The following ESPN variants were observed in gnomAD, a reference collection of about 807,000 sequenced individuals.
ESPN encodes the protein espin, also known as autosomal recessive deafness type 36 protein.
A neutral mutation model predicts 77.7 loss-of-function variants in ESPN; 68 were observed. The observed-to-expected ratio is 0.87, with a 90% CI of 0.72 to 1.07. The LOEUF (loss-of-function observed/expected upper bound fraction) is 1.07. Among genes scored for constraint, ESPN ranks in the 50% least tolerant of loss-of-function variants. The pLI is 0.00. For synonymous variants in ESPN, 449 were observed against 567.1 expected (o/e 0.79, Z 2.96); for missense variants, 1,060 against 1,239.0 (o/e 0.86, Z 2.17).
At chr1:6,446,319 G>T (rs1429333659) in intron 7 of ESPN, among the ~76,000 whole-genome samples, 1 of 152,160 alleles carries the variant, frequency 6.6e-6, no homozygotes, top group East Asian at 1.9e-4. Flanking sequence ...AGGCTCAGTC[G>T]GAGAGTGTCA....
At chr1:6,453,132 G>A (rs1424694577) in intron 10 of ESPN, among the ~76,000 whole-genome samples, 3 of 152,220 alleles carry the variant, frequency 2.0e-5, no homozygotes, top group Non-Finnish European at 4.4e-5. Context: ...GGCCTCAAGT[G>A]ATCCGCCTGC....
At chr1:6,456,041 C>A in intron 10 of ESPN, 1 of 397,130 alleles carries the variant, frequency 2.5e-6, no homozygotes, top group Non-Finnish European at 4.4e-6. Context: ...CCGCGCCTCC[C>A]CCGACCTCAG....
chr1:6,430,427 T>TAAC (rs1222626784), intron 2 of ESPN, among the ~76,000 whole-genome samples: 6 of 152,146 alleles, frequency 3.9e-5, no homozygotes, highest in Admixed American at 1.3e-4. Context: ...TCCAGGTCTA[T>TAAC]ACCTTGGGGT....
At chr1:6,455,632 T>G (rs919729168) in intron 10 of ESPN, 4 of 399,262 alleles carry the variant, frequency 1.0e-5, no homozygotes, top group African/African-American at 8.2e-5. Context: ...TACGACAGCC[T>G]CACGCTCGAC....
In ESPN at chr1:6,451,567, A is replaced by T; in HGVS notation, c.1916-36A>T. On this transcript the variant is annotated intron_variant, in intron 8 of 12. Transcript: ENST00000645284. The surrounding 1 kb of genome is among the most constrained non-coding windows in gnomAD (Gnocchi z 4.3). ...TGAGGGGTGGCGGGGATGCAGCCCC[A>T]CCCTGGCCAGTGCCTCATCTCCTGC... The T allele has an allele frequency of 6.2e-7, 1 of 1,603,896 alleles. No homozygotes were observed.
At chr1:6,432,036 T>C (rs1643272630) in intron 2 of ESPN, among the ~76,000 whole-genome samples, 1 of 152,208 alleles carries the variant, frequency 6.6e-6, no homozygotes, top group African/African-American at 2.4e-5. Context: ...CCACTCCTGG[T>C]CCAGGTCCTA....
intron 2 of ESPN, among the ~76,000 whole-genome samples, chr1:6,438,588 C>T (rs953985538): frequency 1.3e-5 from 2 of 152,254 alleles, no homozygotes; most frequent in African/African-American, 4.8e-5. Context: ...CCCATATTGC[C>T]GGCCAGGCCC....
intron 5 of ESPN, among the ~76,000 whole-genome samples, chr1:6,444,245 A>C (rs1643745811): frequency 6.6e-6 from 1 of 152,136 alleles, no homozygotes. Flanking sequence ...CTAATCAGGG[A>C]GGAGCCAGGG....
chr1:6,460,858 T>C lies in ESPN; in HGVS notation c.*712T>C, dbSNP rs1048894640. ...GAGGATGAGGGGCCCTGACCCTGTG[T>C]CTCCAACTGCTGCACCCCATCCCGA... On this transcript the variant is annotated 3_prime_UTR_variant, in exon 13 of 13. Coordinates refer to ENST00000645284, the MANE Select transcript of ESPN (RefSeq NM_031475.3). The C allele has an allele frequency of 6.5e-6, 2 of 307,230 alleles. No individual in the cohort carries two copies. Among genetic ancestry groups the C allele is most frequent in the Non-Finnish European group, 1.3e-5 (2 of 156,640 alleles). The allele number at this position is 307,230 out of a possible 1,614,324, so 19.0% of individuals were successfully genotyped here.
chr1:6,441,075 C>T lies in ESPN; in HGVS notation c.990+10C>T. 1 of 1,609,816 alleles carries T rather than the reference C, an allele frequency of 6.2e-7. No individual in the cohort carries two copies. The stretch of plus-strand genomic sequence containing the variant: ...CACGGTGGAGAACCTGGTACGATCC[C>T]TGAGCTGCTCCTGTCGCATTCTTTC... On this transcript the variant is annotated intron_variant, in intron 5 of 12. Transcript: ENST00000645284.
chr1:6,434,362 T>G (rs1485074711), intron 2 of ESPN, among the ~76,000 whole-genome samples: 2 of 152,180 alleles, frequency 1.3e-5, no homozygotes, highest in African/African-American at 4.8e-5. Context: ...GACAGATGTG[T>G]GTTTTCATCC....
chr1:6,458,968 C>T lies in ESPN; in HGVS notation c.2418-1031C>T, dbSNP rs553236867. ...AAAAATTAGCTGGGCGGGCTGGGCT[C>T]GGTGGCTCACGCCTGTAATCCCAGC... On this transcript the variant is annotated intron_variant, in intron 12 of 12. Transcript: ENST00000645284. Among the ~76,000 whole-genome samples, 7 of 148,998 alleles carry T rather than the reference C, an allele frequency of 4.7e-5. No individual in the cohort carries two copies. The South Asian group carries it at 1.3e-3, about 27-fold the overall frequency.
intron 10 of ESPN, among the ~76,000 whole-genome samples, chr1:6,452,975 C>T (rs1643978613): frequency 6.6e-6 from 1 of 152,148 alleles, no homozygotes; most frequent in South Asian, 2.1e-4. Context: ...TCACTGCAAC[C>T]TCCACCTCCT....
rs762815594 is a variant in ESPN at position 6,457,209 on chromosome 1, C to G, written c.2351C>G (p.Ala784Gly). The G allele has an allele frequency of 1.2e-6, 2 of 1,610,594 alleles. No individual in the cohort carries two copies. Among genetic ancestry groups the G allele is most frequent in the Admixed American group, 3.4e-5 (2 of 59,346 alleles). The change falls in exon 11 of 13, where the codon GCC becomes GGC. Residue 784 changes from alanine (A) to glycine (G), a missense_variant. By Grantham distance (60) the Ala-to-Gly change is moderately conservative (BLOSUM62 0). This residue lies in a region of ESPN where 374 missense variants were observed against 381.4 expected (regional missense o/e 0.98). Coordinates refer to ENST00000645284, the MANE Select transcript of ESPN (RefSeq NM_031475.3). ...GAGGAGGAGGAGGAGGCCCGGCTGG[C>G]CAGCATGCCCGCCTGGAGGCGGGAC... is the stretch of plus-strand genomic sequence containing the variant. The part of the protein sequence containing the change: ...RKEEEEEARL[A>G]SMPAWRRDLL...
At chr1:6,434,782 G>T (rs1643374969) in intron 2 of ESPN, among the ~76,000 whole-genome samples, 1 of 151,656 alleles carries the variant, frequency 6.6e-6, no homozygotes, top group Non-Finnish European at 1.5e-5. Flanking sequence ...CAAGTGCTGT[G>T]TAGTGAAATG....
rs903506443 is a variant in ESPN at position 6,440,159 on chromosome 1, C to T, written c.489-95C>T. ...GCCCTTTCCCACCCACTCTCCCTGC[C>T]GTCCAGGGCTCCCCGGGACGGGATG... On this transcript the variant is annotated intron_variant, in intron 2 of 12. Coordinates refer to ENST00000645284, the MANE Select transcript of ESPN (RefSeq NM_031475.3). The T allele has an allele frequency of 6.0e-6, 8 of 1,338,678 alleles. No homozygotes were observed. In the African/African-American group the frequency reaches 7.3e-5, roughly 12 times the overall value. The allele number at this position is 1,338,678 out of a possible 1,614,324, so 82.9% of individuals were successfully genotyped here. A position where few individuals can be genotyped will look rare whatever the true frequency, so the allele number is the denominator to read the frequency against.
Position 6,451,642 on chromosome 1 carries a change from A to G in ESPN, c.1955A>G (p.Asn652Ser). 1 of 1,613,258 alleles carries G rather than the reference A, an allele frequency of 6.2e-7. No homozygotes were observed. Among genetic ancestry groups the G allele is most frequent in the Non-Finnish European group, 8.5e-7 (1 of 1,179,942 alleles). Reference protein sequence around the residue: ...SFNMMSPTGDNSELLAEIKAG... With the variant: ...SFNMMSPTGDSSELLAEIKAG... ...AACATGATGTCCCCGACGGGCGACA[A>G]CTCGGAGCTACTGGCTGAGATTAAG... The change falls in exon 9 of 13, where the codon AAC becomes AGC. Residue 652 changes from asparagine to serine, a missense_variant. Physicochemically the swap from Asn to Ser is conservative, Grantham distance 46. Transcript: ENST00000645284. The surrounding 1 kb of genome is among the most constrained non-coding windows in gnomAD (Gnocchi z 4.3).
intron 12 of ESPN, 37 bp from the exon 13 acceptor site, chr1:6,459,962 G>C: frequency 6.2e-7 from 1 of 1,612,566 alleles, no homozygotes; most frequent in South Asian, 1.1e-5. Flanking sequence ...TCTGGCCCCA[G>C]ACTTCACCGG....
chr1:6,451,896 G>C lies in ESPN; in HGVS notation c.2125G>C (p.Ala709Pro). 6.2e-7 allele frequency: 1 copy of C among 1,611,112 alleles called. No individual in the cohort carries two copies. ...LSPVRSPTPPAAGFQPLLNGS... is the reference protein window; with the variant it reads ...LSPVRSPTPPPAGFQPLLNGS... Reference sequence around the variant, plus strand: ...ACCAGTCCGGAGCCCCACACCGCCAGCTGCGGGGTTTCAGCCGCTGCTCAA... The same window carrying C: ...ACCAGTCCGGAGCCCCACACCGCCACCTGCGGGGTTTCAGCCGCTGCTCAA... Residue 709 changes from alanine to proline, a missense_variant, in exon 10 of 13, where the codon GCT becomes CCT. Around this residue, in one of 3 missense-constraint regions of ESPN, gnomAD observed 374 missense variants for 381.4 expected, o/e 0.98. Transcript: ENST00000645284. The surrounding 1 kb of genome is among the most constrained non-coding windows in gnomAD (Gnocchi z 4.3).
Sources: gnomAD v4.1 joint callset for allele counts (sites outside exome capture counted in the v4.1 genomes callset) on GRCh38, gnomAD v4.1.1 for gene constraint, gnomAD v4.1.1 regional missense constraint, Gnocchi (gnomAD v3.1) non-coding constraint, MANE v1.5 for transcripts, NCBI Gene and HGNC (gene_info 2026-07-23, HGNC 2026-07-21) for gene names.